Variants in PDE9A observed in about 807,000 individuals in gnomAD.
PDE9A encodes phosphodiesterase 9A, also known as high affinity cGMP-specific 3',5'-cyclic phosphodiesterase 9A.
In PDE9A, 60 loss-of-function variants were observed where a neutral mutation model predicts 87.4. The observed-to-expected ratio is 0.69, with a 90% CI of 0.56 to 0.85. The LOEUF (loss-of-function observed/expected upper bound fraction) is 0.85. Among genes scored for constraint, PDE9A ranks in the 40% least tolerant of loss-of-function variants. The pLI is 0.00. For synonymous variants in PDE9A, 272 were observed against 279.4 expected, an observed-to-expected ratio of 0.97 and a Z score of 0.27; for missense variants, 665 against 779.0, an observed-to-expected ratio of 0.85 and a Z score of 1.74.
At chr21:42,769,290 C>G (rs2056694698) in intron 17 of PDE9A, 135 bp downstream of exon 17, 2 of 767,828 alleles carry the variant, frequency 2.6e-6, no homozygotes, top group Non-Finnish European at 4.2e-6. Flanking sequence ...CACAGATACA[C>G]ACAGACGCAC....
chr21:42,687,436 G>A (rs1000183482), intron 2 of PDE9A, among the ~76,000 whole-genome samples: 25 of 152,128 alleles, frequency 1.6e-4, no homozygotes, highest in Non-Finnish European at 1.2e-4. Context: ...TAACTTGGTC[G>A]AGGTAACACA....
intron 3 of PDE9A, among the ~76,000 whole-genome samples, chr21:42,697,228 C>A (rs1203964815): frequency 6.6e-6 from 1 of 152,034 alleles, no homozygotes; most frequent in East Asian, 1.9e-4. Flanking sequence ...GCCCTACAGA[C>A]AAAGGGCCCA....
chr21:42,714,712 A>G (rs1021789152), intron 4 of PDE9A, among the ~76,000 whole-genome samples: 4 of 147,446 alleles, frequency 2.7e-5, no homozygotes, highest in Non-Finnish European at 6.0e-5. Flanking sequence ...GTCTTTGTTC[A>G]TATGGTTGGG....
At chr21:42,768,767 C>T (rs1244951061) in intron 16 of PDE9A, 4 of 985,412 alleles carry the variant, frequency 4.1e-6, no homozygotes, top group Non-Finnish European at 4.8e-6. Context: ...TTCTGCAGGA[C>T]GCTGCTGCCG....
chr21:42,670,140 TACACACACATTCAC>T (rs2058324570), intron 1 of PDE9A, among the ~76,000 whole-genome samples: 1 of 149,270 alleles, frequency 6.7e-6, no homozygotes, highest in African/African-American at 2.4e-5. Flanking sequence ...CACACATGCT[TACACACACATTCAC>T]ACGCACACAC....
At chr21:42,678,100 C>G (rs1222339488) in intron 1 of PDE9A, among the ~76,000 whole-genome samples, 3 of 152,238 alleles carry the variant, frequency 2.0e-5, no homozygotes, top group Admixed American at 1.3e-4. Context: ...TGCAAGGAAG[C>G]TCCTCAAATA....
chr21:42,754,877 T>C (rs967008721), intron 10 of PDE9A, among the ~76,000 whole-genome samples: 1 of 152,204 alleles, frequency 6.6e-6, no homozygotes, highest in South Asian at 2.1e-4. Flanking sequence ...TAAGACTCTT[T>C]TTCTTTATAA....
chr21:42,706,934 G>C (rs1409470330), intron 4 of PDE9A, among the ~76,000 whole-genome samples: 1 of 152,134 alleles, frequency 6.6e-6, no homozygotes, highest in African/African-American at 2.4e-5. Context: ...ACAGCTCTTT[G>C]TTCCTTTATG....
chr21:42,678,797 C>A (rs57176621), intron 1 of PDE9A, among the ~76,000 whole-genome samples: 18,233 of 152,200 alleles, frequency 0.12, 1,120 homozygotes, highest in Middle Eastern at 0.18. Flanking sequence ...CAGACAGGAC[C>A]GTCTGTGGGA....
chr21:42,658,130 G>A (rs180695801), intron 1 of PDE9A, among the ~76,000 whole-genome samples: 57 of 152,280 alleles, frequency 3.7e-4, no homozygotes, highest in African/African-American at 1.3e-3. Context: ...TCCGTGCCCT[G>A]GGCAGCTGGT....
intron 4 of PDE9A, among the ~76,000 whole-genome samples, chr21:42,726,608 A>AT (rs1569207144): frequency 9.0e-5 from 2 of 22,118 alleles, no homozygotes; most frequent in African/African-American, 8.4e-4. Flanking sequence ...ATATATATAT[A>AT]TATATATATA....
At position 42,760,762 on chromosome 21, in the gene PDE9A, C is replaced by A; in HGVS notation, c.1003-63C>A. 2 of 877,540 alleles carry A rather than the reference C, an allele frequency of 2.3e-6. No homozygotes were observed. The highest frequency in any genetic ancestry group is 1.3e-5 in the South Asian group (1 of 74,944). 54.4% of individuals were successfully genotyped at this position (877,540 alleles called of 1,614,324 possible). A position where few individuals can be genotyped will look rare whatever the true frequency, so the allele number is the denominator to read the frequency against. ...TTACCACTCACCCAATTCCACCCCC[C>A]CTCACCCCATCCCACCCTCCGAGTG... On this transcript the variant is annotated intron_variant, in intron 12 of 19. Coordinates refer to ENST00000291539, the MANE Select transcript of PDE9A (RefSeq NM_002606.3). This position sits in a 1 kb window ranked among gnomAD's most constrained non-coding sequence, Gnocchi z 5.2.
chr21:42,687,524 C>G (rs1289962721), intron 2 of PDE9A, among the ~76,000 whole-genome samples: 1 of 152,110 alleles, frequency 6.6e-6, no homozygotes, highest in African/African-American at 2.4e-5. Context: ...GTAGGAGAGA[C>G]TTGCGCAGTT....
chr21:42,746,412 G>A (rs889488293), intron 8 of PDE9A, among the ~76,000 whole-genome samples: 7 of 152,228 alleles, frequency 4.6e-5, no homozygotes, highest in African/African-American at 1.7e-4. Context: ...AGGCCCCAGG[G>A]GAGGGACCTT....
At chr21:42,751,282 C>CT (rs1032118350) in intron 9 of PDE9A, 85 bp downstream of exon 9, 46 of 973,934 alleles carry the variant, frequency 4.7e-5, no homozygotes, top group Middle Eastern at 4.5e-4. Context: ...CCAGACCCTG[C>CT]TGTGTGTACG....
At chr21:42,762,511 T>A (rs535482607) in intron 14 of PDE9A, among the ~76,000 whole-genome samples, 1 of 152,282 alleles carries the variant, frequency 6.6e-6, no homozygotes, top group South Asian at 2.1e-4. Flanking sequence ...TTGAGATAAA[T>A]CCTTTGTCCC....
chr21:42,753,586 G>A (rs1196538567), intron 9 of PDE9A, among the ~76,000 whole-genome samples: 1 of 152,132 alleles, frequency 6.6e-6, no homozygotes, highest in African/African-American at 2.4e-5. Flanking sequence ...GGAGAAGCTG[G>A]GTGCGGTGGC....
At chr21:42,715,731 C>T (rs1041660455) in intron 4 of PDE9A, among the ~76,000 whole-genome samples, 1 of 151,832 alleles carries the variant, frequency 6.6e-6, no homozygotes, top group African/African-American at 2.4e-5. Flanking sequence ...CAGGGCTGTA[C>T]ATTCCCTGGG....
chr21:42,751,017 G>A, intron 8 of PDE9A, 99 bp from the exon 9 acceptor site: 4 of 816,224 alleles, frequency 4.9e-6, no homozygotes, highest in African/African-American at 1.7e-5. Flanking sequence ...AGACCACACG[G>A]GGCTTGGGGG....
Sources: gnomAD v4.1 joint callset for allele counts (sites outside exome capture counted in the v4.1 genomes callset) on GRCh38, gnomAD v4.1.1 for gene constraint, Gnocchi (gnomAD v3.1) non-coding constraint, MANE v1.5 for transcripts, NCBI Gene and HGNC (gene_info 2026-07-23, HGNC 2026-07-21) for gene names.